The following DEPTOR variants were observed in gnomAD, a reference collection of about 807,000 sequenced individuals.
DEPTOR encodes the protein DEP domain containing MTOR interacting protein, also known as DEP domain-containing mTOR-interacting protein.
A neutral mutation model predicts 41.6 loss-of-function variants in DEPTOR; 41 were observed. That is an observed-to-expected ratio of 0.98 (90% confidence interval 0.77 to 1.28). The LOEUF is 1.28. Ranked by LOEUF, DEPTOR falls within the 50% of genes most tolerant of loss-of-function variation. The probability of loss-of-function intolerance (pLI) is 0.00; values close to 1 mark genes in which losing one functional copy is unlikely to be tolerated. For synonymous variants in DEPTOR, 195 were observed against 192.3 expected (o/e 1.01, Z -0.12); for missense variants, 514 against 527.9 (o/e 0.97, Z 0.26).
At chr8:120,013,467 G>T (rs988804948) in intron 8 of DEPTOR, among the ~76,000 whole-genome samples, 4 of 152,186 alleles carry the variant, frequency 2.6e-5, no homozygotes, top group African/African-American at 9.7e-5. Context: ...GTAAAGGCTT[G>T]TTCCCAGCAA....
intron 3 of DEPTOR, among the ~76,000 whole-genome samples, chr8:119,930,275 T>C (rs1299147944): frequency 6.6e-6 from 1 of 152,166 alleles, no homozygotes; most frequent in East Asian, 1.9e-4. Context: ...GTCTCACTCT[T>C]GCCCAGGCTG....
chr8:120,028,694 C>A (rs992487940), intron 8 of DEPTOR, among the ~76,000 whole-genome samples: 1 of 151,654 alleles, frequency 6.6e-6, no homozygotes, highest in Non-Finnish European at 1.5e-5. Flanking sequence ...AACTCCTGAC[C>A]TCAAGTGATC....
intron 5 of DEPTOR, among the ~76,000 whole-genome samples, chr8:120,001,912 A>G (rs1358021571): frequency 6.6e-6 from 1 of 152,120 alleles, no homozygotes; most frequent in Non-Finnish European, 1.5e-5. Flanking sequence ...GTTTTATAAA[A>G]TTATGTATTT....
At chr8:119,963,868 G>C (rs985402752) in intron 3 of DEPTOR, among the ~76,000 whole-genome samples, 1 of 152,164 alleles carries the variant, frequency 6.6e-6, no homozygotes. Flanking sequence ...CTATGTAGTC[G>C]TCTTAGTTCA....
intron 1 of DEPTOR, among the ~76,000 whole-genome samples, chr8:119,893,003 G>A (rs1472113517): frequency 6.6e-6 from 1 of 151,988 alleles, no homozygotes; most frequent in African/African-American, 2.4e-5. Context: ...GGCTGGTCTC[G>A]AACTCCTGTT....
intron 2 of DEPTOR, among the ~76,000 whole-genome samples, chr8:119,929,230 T>A (rs1490202458): frequency 6.6e-6 from 1 of 152,178 alleles, no homozygotes; most frequent in Non-Finnish European, 1.5e-5. Context: ...CCTTTGCACA[T>A]GCCATCGTTC....
At chr8:119,900,404 T>G (rs1360202223) in intron 1 of DEPTOR, among the ~76,000 whole-genome samples, 1 of 134,656 alleles carries the variant, frequency 7.4e-6, no homozygotes, top group African/African-American at 3.1e-5. Flanking sequence ...TTTTTTTTTT[T>G]GGGAGACAGG....
chr8:120,006,873 A>T lies in DEPTOR; in HGVS notation c.994A>T (p.Thr332Ser). ...GGCTCCGTATGCAAGGAAGACATTC[A>T]CGGTAGGCTGATGGTCTGGCCTTTT... ...PGAPYARKTFTIVGDAVGWGF... is the reference protein window; with the variant it reads ...PGAPYARKTFSIVGDAVGWGF... Residue 332 changes from threonine to serine, a missense_variant and splice_region_variant, in exon 7 of 9, where the codon ACG becomes TCG. By Grantham distance (58) the Thr-to-Ser change is moderately conservative. Coordinates refer to ENST00000286234, the MANE Select transcript of DEPTOR (RefSeq NM_022783.4). 1 of 1,614,182 alleles carries T rather than the reference A, an allele frequency of 6.2e-7. No homozygotes were observed.
At chr8:119,970,519 A>G (rs1828618286) in intron 4 of DEPTOR, among the ~76,000 whole-genome samples, 2 of 152,190 alleles carry the variant, frequency 1.3e-5, no homozygotes, top group South Asian at 4.1e-4. Context: ...TCGGAAGGAG[A>G]CAGACTGGAT....
intron 4 of DEPTOR, among the ~76,000 whole-genome samples, chr8:119,974,928 CCTT>C (rs372638587): frequency 5.4e-4 from 82 of 152,164 alleles, no homozygotes; most frequent in African/African-American, 1.8e-3. Flanking sequence ...TAGGTCAACA[CCTT>C]CTTTATTTAT....
intron 4 of DEPTOR, among the ~76,000 whole-genome samples, chr8:119,977,625 T>C (rs1828712607): frequency 6.6e-6 from 1 of 152,108 alleles, no homozygotes; most frequent in Non-Finnish European, 1.5e-5. Flanking sequence ...GTAATGTAAA[T>C]AGAAAGGAAC....
intron 4 of DEPTOR, among the ~76,000 whole-genome samples, chr8:119,999,200 C>G (rs536837874): frequency 6.7e-6 from 1 of 150,330 alleles, no homozygotes; most frequent in East Asian, 2.0e-4. Context: ...ACCCGAGACT[C>G]GGTGGAGGTT....
chr8:119,874,131 G>T lies in DEPTOR; in HGVS notation c.122+163G>T, dbSNP rs1017450230. On this transcript the variant is annotated intron_variant, in intron 1 of 8. Transcript: ENST00000286234. ...GTCCTCGGTGCGCCCGCGCTTAGCT[G>T]CTGCAGCCTCGGTCCCTGAGGACTC... 23 of 1,143,100 alleles carry T rather than the reference G, an allele frequency of 2.0e-5. No homozygotes were observed. In the African/African-American group the frequency reaches 3.0e-4, roughly 15 times the overall value. 70.8% of individuals were successfully genotyped at this position (1,143,100 alleles called of 1,614,324 possible).
chr8:120,003,351 G>T (rs1586653754), intron 6 of DEPTOR, among the ~76,000 whole-genome samples: 2 of 152,260 alleles, frequency 1.3e-5, no homozygotes, highest in South Asian at 4.1e-4. Flanking sequence ...GAGCTGGGAT[G>T]GCCCTTCCAA....
Position 119,965,343 on chromosome 8 carries a change from G to C in DEPTOR, c.537G>C (p.Glu179Asp), listed in dbSNP as rs766410544. The change falls in exon 4 of 9, where the codon GAG becomes GAC. Residue 179 changes from glutamate (E) to aspartate (D), a missense_variant. Glu to Asp is a conservative substitution (Grantham distance 45). Transcript: ENST00000286234. ...EFLDWLVQEG[E>D]ATTRKEAEQL... ...TGGACTGGCTGGTTCAGGAAGGTGA[G>C]GCCACCACGAGGAAAGAGGCAGAGC... The C allele has an allele frequency of 1.4e-5, 23 of 1,613,982 alleles. No homozygotes were observed. The highest frequency in any genetic ancestry group is 1.8e-5 in the Non-Finnish European group (21 of 1,180,026).
At chr8:119,897,062 A>G (rs2129735211) in intron 1 of DEPTOR, among the ~76,000 whole-genome samples, 1 of 152,318 alleles carries the variant, frequency 6.6e-6, no homozygotes. Context: ...AGATATCACT[A>G]TGGATTATAA....
chr8:119,888,583 C>G, intron 1 of DEPTOR, among the ~76,000 whole-genome samples: 1 of 152,260 alleles, frequency 6.6e-6, no homozygotes. Flanking sequence ...AAGGCTGGCA[C>G]GGTGGCTCAC....
chr8:119,919,736 C>G (rs1377061963), intron 1 of DEPTOR, among the ~76,000 whole-genome samples: 1 of 152,120 alleles, frequency 6.6e-6, no homozygotes, highest in African/African-American at 2.4e-5. Flanking sequence ...CACTGTCAGC[C>G]CCACTATTTG....
chr8:119,973,526 G>A (rs1462869251), intron 4 of DEPTOR, among the ~76,000 whole-genome samples: 1 of 152,184 alleles, frequency 6.6e-6, no homozygotes, highest in African/African-American at 2.4e-5. Context: ...GTGAGCCACT[G>A]CAAAGGGCCC....
Sources: gnomAD v4.1 joint callset for allele counts (sites outside exome capture counted in the v4.1 genomes callset) on GRCh38, gnomAD v4.1.1 for gene constraint, MANE v1.5 for transcripts, NCBI Gene and HGNC (gene_info 2026-07-23, HGNC 2026-07-21) for gene names.